GAS2L3: variants seen among roughly 807,000 people sequenced by gnomAD.
The protein encoded by GAS2L3 is growth arrest specific 2 like 3.
Under a neutral mutation model 37.0 loss-of-function variants are expected in GAS2L3, and 28 were observed. The observed-to-expected ratio is 0.76, with a 90% CI of 0.56 to 1.04. GAS2L3 has a LOEUF of 1.04. GAS2L3 is among the 50% of genes least tolerant of loss of function. The pLI is 0.00. For missense variants in GAS2L3, 793 were observed against 817.6 expected, an observed-to-expected ratio of 0.97 and a Z score of 0.37; for synonymous variants, 290 against 296.6, an observed-to-expected ratio of 0.98 and a Z score of 0.23.
chr12:100,584,761 C>T (rs918029718), intron 1 of GAS2L3, among the ~76,000 whole-genome samples: 3 of 151,752 alleles, frequency 2.0e-5, no homozygotes, highest in Non-Finnish European at 4.4e-5. Flanking sequence ...TCAGTAGAGA[C>T]AGGGTTTCAT....
At chr12:100,594,979 TA>T in intron 3 of GAS2L3, 57 bp downstream of exon 3, 1 of 783,846 alleles carries the variant, frequency 1.3e-6, no homozygotes, top group Non-Finnish European at 2.0e-6. Flanking sequence ...AATTGAACTG[TA>T]ATAATTAGCA....
At chr12:100,582,894 C>T (rs924296036) in intron 1 of GAS2L3, among the ~76,000 whole-genome samples, 1 of 152,144 alleles carries the variant, frequency 6.6e-6, no homozygotes, top group Non-Finnish European at 1.5e-5. Flanking sequence ...TTCCTTGGCT[C>T]CCTCCTCCGT....
In GAS2L3 at chr12:100,625,096, C is replaced by A; in HGVS notation, c.*206C>A. Reference sequence around the variant, plus strand: ...CTTCTGAAGCAAACAGTTGTAAAATCACTGCAAGGTTTTTATTAATAATAG... The same window carrying A: ...CTTCTGAAGCAAACAGTTGTAAAATAACTGCAAGGTTTTTATTAATAATAG... On this transcript the variant is annotated 3_prime_UTR_variant, in exon 10 of 10. Coordinates refer to ENST00000547754, the MANE Select transcript of GAS2L3 (RefSeq NM_174942.3). 2.2e-6 allele frequency: 1 copy of A among 452,508 alleles called. No individual in the cohort carries two copies. The highest frequency in any genetic ancestry group is 1.9e-5 in the African/African-American group (1 of 51,338). 28.0% of individuals were successfully genotyped at this position (452,508 alleles called of 1,614,324 possible).
chr12:100,610,511 T>G (rs1956113738), intron 5 of GAS2L3, among the ~76,000 whole-genome samples: 1 of 130,984 alleles, frequency 7.6e-6, no homozygotes, highest in Admixed American at 7.8e-5. Context: ...ATTTTGCTAT[T>G]GGTTTGATTT....
At chr12:100,615,638 C>G (rs1332892675) in intron 6 of GAS2L3, among the ~76,000 whole-genome samples, 1 of 151,828 alleles carries the variant, frequency 6.6e-6, no homozygotes, top group Non-Finnish European at 1.5e-5. Flanking sequence ...ACTTTTAGGT[C>G]ATTGATCTAT....
intron 3 of GAS2L3, among the ~76,000 whole-genome samples, chr12:100,595,818 G>T (rs1955904971): frequency 6.6e-6 from 1 of 151,978 alleles, no homozygotes; most frequent in Non-Finnish European, 1.5e-5. Flanking sequence ...CAAATGGACT[G>T]CTAGAATATA....
chr12:100,590,452 C>T (rs1593166101), intron 1 of GAS2L3, among the ~76,000 whole-genome samples: 1 of 152,178 alleles, frequency 6.6e-6, no homozygotes, highest in East Asian at 1.9e-4. Flanking sequence ...ACAAGGAACA[C>T]TTCTACACTG....
chr12:100,624,184 T>G lies in GAS2L3; in HGVS notation c.1379T>G (p.Leu460Arg). ...QNSADLPEST[L>R]LPNKCSGKTQ... ...TCAGCAGATCTGCCCGAGTCCACAC[T>G]TTTGCCAAATAAGTGTTCAGGAAAA... Residue 460 changes from leucine to arginine, a missense_variant, in exon 10 of 10, where the codon CTT (leucine) becomes CGT (arginine). By Grantham distance (102) the Leu-to-Arg change is moderately radical. Coordinates refer to ENST00000547754, the MANE Select transcript of GAS2L3 (RefSeq NM_174942.3). The G allele has an allele frequency of 6.2e-7, 1 of 1,613,846 alleles. No homozygotes were observed. The highest frequency in any genetic ancestry group is 8.5e-7 in the Non-Finnish European group (1 of 1,180,014).
chr12:100,616,277 G>T (rs1956186756), intron 6 of GAS2L3, among the ~76,000 whole-genome samples: 1 of 152,072 alleles, frequency 6.6e-6, no homozygotes, highest in Admixed American at 6.6e-5. Flanking sequence ...TTTTCAGACT[G>T]TTCATTTCTA....
At chr12:100,602,614 C>T (rs1956005736) in intron 5 of GAS2L3, among the ~76,000 whole-genome samples, 1 of 152,060 alleles carries the variant, frequency 6.6e-6, no homozygotes, top group African/African-American at 2.4e-5. Flanking sequence ...TATCCATTCC[C>T]TCAAGCATTT....
chr12:100,591,983 T>C (rs1955852236), intron 2 of GAS2L3, 127 bp downstream of exon 2: 1 of 152,184 alleles, frequency 6.6e-6, no homozygotes. Flanking sequence ...GAAACTTTTT[T>C]TCTGAGTAAA....
intron 7 of GAS2L3, 87 bp from the exon 8 acceptor site, chr12:100,618,357 GACTTT>G (rs1956213192): frequency 1.5e-6 from 2 of 1,298,784 alleles, no homozygotes; most frequent in South Asian, 1.5e-5. Flanking sequence ...GGATCATATA[GACTTT>G]ACTTCAGAAA....
intron 8 of GAS2L3, among the ~76,000 whole-genome samples, chr12:100,621,882 GGAGAGA>G (rs1205356059): frequency 7.4e-5 from 6 of 81,256 alleles, no homozygotes; most frequent in Non-Finnish European, 1.1e-4. Context: ...GGTGGGGGGG[GGAGAGA>G]GAGAGAGAGA....
Position 100,624,273 on chromosome 12 carries a change from G to C in GAS2L3, c.1468G>C (p.Ala490Pro), listed in dbSNP as rs534879343. 88 of 1,614,018 alleles carry C rather than the reference G, an allele frequency of 5.5e-5. No homozygotes were observed. The highest frequency in any genetic ancestry group is 7.2e-5 in the Non-Finnish European group (85 of 1,179,988). Residue 490 changes from alanine (A) to proline (P), a missense_variant, in exon 10 of 10, where the codon GCT becomes CCT. By Grantham distance (27) the Ala-to-Pro change is conservative. Transcript: ENST00000547754. ...SSRDNAVSHL[A>P]AHSNSSSKCP... ...CAGAGATAATGCAGTATCTCACTTA[G>C]CTGCACATTCAAATTCATCCTCAAA...
chr12:100,583,137 A>G (rs1955734707), intron 1 of GAS2L3, among the ~76,000 whole-genome samples: 1 of 152,252 alleles, frequency 6.6e-6, no homozygotes, highest in African/African-American at 2.4e-5. Context: ...AAGTAAAGGA[A>G]TAAAGAATGG....
At chr12:100,576,155 A>G (rs904982743) in intron 1 of GAS2L3, among the ~76,000 whole-genome samples, 1 of 152,180 alleles carries the variant, frequency 6.6e-6, no homozygotes, top group African/African-American at 2.4e-5. Context: ...GATAAATAGA[A>G]ATGATGTTTG....
At chr12:100,582,432 G>A (rs1955725249) in intron 1 of GAS2L3, among the ~76,000 whole-genome samples, 1 of 152,208 alleles carries the variant, frequency 6.6e-6, no homozygotes, top group Admixed American at 6.5e-5. Flanking sequence ...CAGGGGATAT[G>A]TGATGGCTTA....
intron 6 of GAS2L3, among the ~76,000 whole-genome samples, chr12:100,615,875 G>A (rs1215991360): frequency 6.6e-6 from 1 of 152,116 alleles, no homozygotes; most frequent in Non-Finnish European, 1.5e-5. Flanking sequence ...GTGATACACT[G>A]TCTTGATTAC....
intron 5 of GAS2L3, among the ~76,000 whole-genome samples, chr12:100,609,480 C>T (rs1593180682): frequency 1.3e-5 from 2 of 152,218 alleles, no homozygotes; most frequent in South Asian, 4.2e-4. Context: ...TTTCTTTGCA[C>T]CTTATGGCTG....
Sources: allele counts gnomAD v4.1 joint callset (sites outside exome capture counted in the v4.1 genomes callset), GRCh38; gene constraint gnomAD v4.1.1; transcripts MANE v1.5; gene names NCBI Gene and HGNC (gene_info 2026-07-23, HGNC 2026-07-21).